RALGPS2: variants seen among roughly 807,000 people sequenced by gnomAD.
RALGPS2 encodes the protein Ral GEF with PH domain and SH3 binding motif 2, also known as ras-specific guanine nucleotide-releasing factor RalGPS2.
Under a neutral mutation model 86.8 loss-of-function variants are expected in RALGPS2, and 43 were observed. That is an observed-to-expected ratio of 0.50 (90% CI 0.39 to 0.64). RALGPS2 has a LOEUF of 0.64. Ranked by LOEUF, RALGPS2 falls within the 30% of genes least tolerant of loss-of-function variation. RALGPS2 has a pLI of 0.00. For synonymous variants in RALGPS2, 243 were observed against 231.3 expected (o/e 1.05, Z -0.46); for missense variants, 536 against 694.6 (o/e 0.77, Z 2.57).
intron 6 of RALGPS2, among the ~76,000 whole-genome samples, chr1:178,819,839 CTCA>C (rs1012093284): frequency 5.3e-5 from 8 of 152,316 alleles, no homozygotes; most frequent in Admixed American, 5.2e-4. Flanking sequence ...TCAGATCCTT[CTCA>C]TCATCTCTCA....
intron 4 of RALGPS2, among the ~76,000 whole-genome samples, chr1:178,793,994 G>T (rs1654074538): frequency 6.6e-6 from 1 of 152,062 alleles, no homozygotes; most frequent in Non-Finnish European, 1.5e-5. Context: ...ATGATTTTTG[G>T]TATTCAGTCA....
chr1:178,747,194 G>A (rs1363626949), intron 1 of RALGPS2: 9 of 1,192,746 alleles, frequency 7.5e-6, no homozygotes, highest in African/African-American at 1.5e-5. Context: ...TCCAGTGCCT[G>A]CACTACGGTG....
intron 2 of RALGPS2, among the ~76,000 whole-genome samples, chr1:178,779,147 T>C (rs538960909): frequency 6.6e-6 from 1 of 152,282 alleles, no homozygotes; most frequent in Non-Finnish European, 1.5e-5. Flanking sequence ...AAAGAACCGT[T>C]AGGCTGGAAT....
At chr1:178,832,780 CT>C (rs961949623) in intron 7 of RALGPS2, among the ~76,000 whole-genome samples, 80 of 140,264 alleles carry the variant, frequency 5.7e-4, no homozygotes, top group Middle Eastern at 3.6e-3. Flanking sequence ...ACTGACTTTG[CT>C]TTTTTTTTTT....
At chr1:178,827,960 A>C (rs1045850023) in intron 7 of RALGPS2, among the ~76,000 whole-genome samples, 1 of 152,196 alleles carries the variant, frequency 6.6e-6, no homozygotes, top group African/African-American at 2.4e-5. Flanking sequence ...TGCAAAAATG[A>C]ACTCAAAATA....
In RALGPS2 at chr1:178,919,464, T is replaced by G. The variant is rs979756774; in HGVS notation, c.*3105T>G. On this transcript the variant is annotated 3_prime_UTR_variant, in exon 20 of 20. Coordinates refer to ENST00000367635, the MANE Select transcript of RALGPS2 (RefSeq NM_152663.5). ...TGGCTTTATTCCTCTTCTAGAAGAT[T>G]TATGAGGAGCCTAGGAAGCACTATT... 6.6e-6 allele frequency: 1 copy of G among 151,978 alleles called. No homozygotes were observed. Among genetic ancestry groups the G allele is most frequent in the Non-Finnish European group, 1.5e-5 (1 of 67,894 alleles). 9.4% of individuals were successfully genotyped at this position (151,978 alleles called of 1,614,324 possible). A position where few individuals can be genotyped will look rare whatever the true frequency, so the allele number is the denominator to read the frequency against.
chr1:178,771,677 G>A (rs1007723879), intron 1 of RALGPS2, among the ~76,000 whole-genome samples: 21 of 152,012 alleles, frequency 1.4e-4, no homozygotes, highest in African/African-American at 5.1e-4. Context: ...AAAATATACA[G>A]GTAAGCTAAA....
At chr1:178,875,144 A>G (rs1056648243) in intron 8 of RALGPS2, among the ~76,000 whole-genome samples, 3 of 152,238 alleles carry the variant, frequency 2.0e-5, no homozygotes, top group African/African-American at 7.2e-5. Flanking sequence ...GTTTATGGAC[A>G]ATAATTTGTA....
intron 1 of RALGPS2, among the ~76,000 whole-genome samples, chr1:178,761,306 G>C (rs1652227800): frequency 6.6e-6 from 1 of 151,900 alleles, no homozygotes; most frequent in South Asian, 2.1e-4. Context: ...AATTCTTTTT[G>C]CTGTCCCAGC....
chr1:178,785,854 C>T (rs1009978793), intron 4 of RALGPS2, among the ~76,000 whole-genome samples: 8 of 152,014 alleles, frequency 5.3e-5, no homozygotes, highest in African/African-American at 1.4e-4. Flanking sequence ...GACACTTGCT[C>T]AGTGAAAACT....
intron 4 of RALGPS2, among the ~76,000 whole-genome samples, chr1:178,790,044 GC>G (rs1252862873): frequency 1.3e-5 from 2 of 152,070 alleles, no homozygotes; most frequent in Non-Finnish European, 2.9e-5. Flanking sequence ...GACCTCCCAG[GC>G]CCAAATGATC....
intron 14 of RALGPS2, among the ~76,000 whole-genome samples, chr1:178,890,360 G>A (rs1222971967): frequency 6.6e-6 from 1 of 151,848 alleles, no homozygotes; most frequent in Non-Finnish European, 1.5e-5. Flanking sequence ...GGATTCTTAT[G>A]TTTTCACTGA....
At chr1:178,892,160 C>T in intron 14 of RALGPS2, 70 bp from the exon 15 acceptor site, 1 of 1,303,892 alleles carries the variant, frequency 7.7e-7, no homozygotes. Flanking sequence ...TTATACTGTT[C>T]TAGGTATTGA....
chr1:178,765,097 G>T (rs1240059617), intron 1 of RALGPS2, among the ~76,000 whole-genome samples: 1 of 151,804 alleles, frequency 6.6e-6, no homozygotes, highest in Non-Finnish European at 1.5e-5. Flanking sequence ...AGCTTGTGCA[G>T]CCTGTACAAC....
chr1:178,894,014 AAAAGCCTACAG>A lies in RALGPS2; in HGVS notation c.1422_1431+1del, dbSNP rs1342149688. 5.7e-6 allele frequency: 9 copies of A among 1,572,040 alleles called. No individual in the cohort carries two copies. The highest frequency in any genetic ancestry group is 1.4e-5 in the African/African-American group (1 of 73,630). ...AGAAAAACTTTGTTAAAAGAAGGCA[AAAAGCCTACAG>A]TAAGATTTCATCATATTATATTTTA... is the stretch of plus-strand genomic sequence containing the variant. On this transcript the variant is annotated splice_donor_variant and coding_sequence_variant, in exon 16 of 20. Coordinates refer to ENST00000367635, the MANE Select transcript of RALGPS2 (RefSeq NM_152663.5). LOFTEE classifies it high-confidence loss of function.
chr1:178,730,181 AC>A (rs1650254708), intron 1 of RALGPS2, among the ~76,000 whole-genome samples: 2 of 152,020 alleles, frequency 1.3e-5, no homozygotes, highest in Non-Finnish European at 2.9e-5. Flanking sequence ...CAAGTGATCC[AC>A]CCGTTCTCCC....
At chr1:178,761,873 T>C (rs908954749) in intron 1 of RALGPS2, among the ~76,000 whole-genome samples, 1 of 152,202 alleles carries the variant, frequency 6.6e-6, no homozygotes, top group Admixed American at 6.5e-5. Context: ...TTTTTAAATT[T>C]TATTTTATTT....
At chr1:178,837,977 G>A (rs1656367962) in intron 8 of RALGPS2, among the ~76,000 whole-genome samples, 1 of 152,184 alleles carries the variant, frequency 6.6e-6, no homozygotes, top group African/African-American at 2.4e-5. Flanking sequence ...AGCGAGGCTG[G>A]GGAAGGGGCA....
At chr1:178,832,050 A>G (rs756701767) in intron 7 of RALGPS2, among the ~76,000 whole-genome samples, 2 of 152,222 alleles carry the variant, frequency 1.3e-5, no homozygotes, top group Non-Finnish European at 2.9e-5. Flanking sequence ...GTTTATCATT[A>G]TCCCTATGTC....
Sources: gnomAD v4.1 joint callset for allele counts (sites outside exome capture counted in the v4.1 genomes callset) on GRCh38, gnomAD v4.1.1 for gene constraint, MANE v1.5 for transcripts, NCBI Gene and HGNC (gene_info 2026-07-23, HGNC 2026-07-21) for gene names.